Variants in CROCC observed in about 807,000 individuals in gnomAD.
CROCC encodes rootletin.
In CROCC, 180 loss-of-function variants were observed where a neutral mutation model predicts 245.2. That is an observed-to-expected ratio of 0.73 (90% CI 0.65 to 0.83). CROCC has a LOEUF of 0.83. Ranked by LOEUF, CROCC falls within the 40% of genes least tolerant of loss-of-function variation. CROCC has a pLI of 0.00. For synonymous variants in CROCC, 1,205 were observed against 1,241.6 expected, an observed-to-expected ratio of 0.97 and a Z score of 0.62; for missense variants, 2,688 against 2,779.4, an observed-to-expected ratio of 0.97 and a Z score of 0.74.
Position 16,922,743 on chromosome 1 carries a change from G to T in CROCC, c.141G>T (p.Leu47=), listed in dbSNP as rs201122012. ...DLAQDAQITS[L]PALIREIVTR... is the part of the protein sequence containing the mutation. The stretch of plus-strand genomic sequence containing the variant: ...CCCAGGACGCTCAGATCACCAGCCT[G>T]CCTGCCCTTATCAGGGAGATTGTCA... The change falls in exon 2 of 37, where the codon CTG becomes CTT. Residue 47 remains leucine (L), a synonymous_variant. Coordinates refer to ENST00000375541, the MANE Select transcript of CROCC (RefSeq NM_014675.5). 16 of 1,613,810 alleles carry T rather than the reference G, an allele frequency of 9.9e-6. No homozygotes were observed. In the African/African-American group the frequency reaches 1.9e-4, roughly 19 times the overall value.
intron 2 of CROCC, among the ~76,000 whole-genome samples, chr1:16,923,510 C>T (rs924829572): frequency 2.6e-5 from 4 of 152,260 alleles, no homozygotes; most frequent in South Asian, 2.1e-4. Context: ...GACAACCCCG[C>T]TTCTCCCGCT....
intron 8 of CROCC, among the ~76,000 whole-genome samples, chr1:16,933,107 G>C (rs1459916260): frequency 6.6e-6 from 1 of 152,230 alleles, no homozygotes; most frequent in Admixed American, 6.5e-5. Flanking sequence ...AACCACACCT[G>C]GTTTAATAAT....
In CROCC at chr1:16,922,023, G is replaced by A; in HGVS notation, c.5G>A (p.Ser2Asn). Residue 2 changes from serine to asparagine, a missense_variant, in exon 1 of 37, where the codon AGC becomes AAC. Physicochemically the swap from Ser to Asn is conservative, Grantham distance 46 (BLOSUM62 1). Coordinates refer to ENST00000375541, the MANE Select transcript of CROCC (RefSeq NM_014675.5). MSLGLAGAQEVE... is the reference protein window; with the variant it reads MNLGLAGAQEVE... ...CATGCCCACAGCCTCCCCCCCATGA[G>A]CTTGGGGCTGGCGGGGGCACAGGAG... 6.4e-7 allele frequency: 1 copy of A among 1,551,672 alleles called. No homozygotes were observed. The highest frequency in any genetic ancestry group is 8.7e-7 in the Non-Finnish European group (1 of 1,147,096).
intron 13 of CROCC, 91 bp downstream of exon 13, chr1:16,940,184 T>G: frequency 7.4e-7 from 1 of 1,355,786 alleles, no homozygotes; most frequent in Non-Finnish European, 1.0e-6. Context: ...GGCTCTGCAC[T>G]AATATGGTCG....
chr1:16,922,257 G>A (rs768972632), intron 1 of CROCC, among the ~76,000 whole-genome samples, 179 bp downstream of exon 1: 1 of 152,266 alleles, frequency 6.6e-6, no homozygotes, highest in South Asian at 2.1e-4. Context: ...GTACACACAG[G>A]GTGCACCTGC....
At chr1:16,950,616 C>A (rs761119191) in intron 19 of CROCC, among the ~76,000 whole-genome samples, 1 of 152,248 alleles carries the variant, frequency 6.6e-6, no homozygotes, top group Non-Finnish European at 1.5e-5. Context: ...CCCCAGCTTC[C>A]CAAAGTGCTG....
chr1:16,922,609 G>C, intron 1 of CROCC, 54 bp from the exon 2 acceptor site: 1 of 1,543,786 alleles, frequency 6.5e-7, no homozygotes, highest in Non-Finnish European at 8.7e-7. Flanking sequence ...TCCCCACGAG[G>C]CCAGGGAGCC....
chr1:16,914,548 C>A (rs1422720978), intron 1 of CROCC, among the ~76,000 whole-genome samples: 1 of 152,284 alleles, frequency 6.6e-6, no homozygotes, highest in African/African-American at 2.4e-5. Flanking sequence ...CCGGTTTCGT[C>A]TTCATTGCAG....
At chr1:16,955,016 G>A (rs2076226156) in intron 23 of CROCC, 139 bp downstream of exon 23, 2 of 1,189,244 alleles carry the variant, frequency 1.7e-6, no homozygotes. Flanking sequence ...TTAGAAAGGA[G>A]GCAGCAAGCA....
chr1:16,927,554 G>C (rs2075563396), intron 3 of CROCC, among the ~76,000 whole-genome samples: 1 of 152,272 alleles, frequency 6.6e-6, no homozygotes, highest in African/African-American at 2.4e-5. Flanking sequence ...AGCCACAGAT[G>C]CCGCCTTAGC....
chr1:16,970,571 A>G (rs1442565514), intron 34 of CROCC, 65 bp from the exon 35 acceptor site: 19 of 1,481,010 alleles, frequency 1.3e-5, no homozygotes, highest in Non-Finnish European at 1.6e-5. Flanking sequence ...ATCAGGGTTC[A>G]GGAACCTGAG....
At chr1:16,956,433 C>T (rs555823234) in intron 25 of CROCC, among the ~76,000 whole-genome samples, 1 of 152,284 alleles carries the variant, frequency 6.6e-6, no homozygotes, top group Admixed American at 6.5e-5. Context: ...AAGGAATCTG[C>T]AAACAACAAA....
At chr1:16,946,495 G>A in intron 16 of CROCC, 90 bp downstream of exon 16, 1 of 1,506,382 alleles carries the variant, frequency 6.6e-7, no homozygotes, top group African/African-American at 1.4e-5. Flanking sequence ...TACCTGTCTT[G>A]GCCCCTGCCT....
intron 24 of CROCC, 117 bp from the exon 25 acceptor site, chr1:16,955,880 A>G (rs1419992193): frequency 6.2e-6 from 8 of 1,290,424 alleles, no homozygotes; most frequent in African/African-American, 1.5e-5. Flanking sequence ...CTCTTCAGAG[A>G]GGCCACATGG....
Position 16,948,416 on chromosome 1 carries a change from C to T in CROCC, c.2600C>T (p.Ala867Val), listed in dbSNP as rs111628331. 7.5e-5 allele frequency: 118 copies of T among 1,573,006 alleles called. No homozygotes were observed. In the African/African-American group the frequency reaches 1.2e-3, roughly 16 times the overall value. ...AQRQVEALER[A>V]AREKEALAKE... ...CGGCAAGTGGAGGCGCTGGAGCGAG[C>T]GGCCCGTGAGAAGGAGGCGCTAGCC... The change falls in exon 18 of 37, where the codon GCG becomes GTG. Residue 867 changes from alanine to valine, a missense_variant. Around this residue, in one of 9 missense-constraint regions of CROCC, gnomAD observed 295 missense variants for 241.7 expected, o/e 1.22. Transcript: ENST00000375541.
At chr1:16,943,547 A>C (rs375691658) in intron 13 of CROCC, among the ~76,000 whole-genome samples, 11 of 152,390 alleles carry the variant, frequency 7.2e-5, no homozygotes, top group African/African-American at 2.4e-4. Flanking sequence ...CAAAAAAAAA[A>C]AATAAAACAA....
chr1:16,967,016 C>T (rs1035619806), intron 30 of CROCC, among the ~76,000 whole-genome samples: 1 of 151,624 alleles, frequency 6.6e-6, no homozygotes, highest in African/African-American at 2.4e-5. Flanking sequence ...GATCATGCCA[C>T]TGCACTCTAG....
intron 2 of CROCC, among the ~76,000 whole-genome samples, chr1:16,923,726 G>T (rs1203749860): frequency 7.4e-6 from 1 of 135,576 alleles, no homozygotes; most frequent in Non-Finnish European, 1.5e-5. Flanking sequence ...TGTTGCCCAG[G>T]CTGGAGTGCA....
At chr1:16,924,624 A>G in intron 3 of CROCC, 145 bp downstream of exon 3, 1 of 1,069,584 alleles carries the variant, frequency 9.3e-7, no homozygotes, top group Non-Finnish European at 1.3e-6. Context: ...TGCCACCTTG[A>G]GTGGCGTTGA....
Sources: gnomAD v4.1 joint callset for allele counts (sites outside exome capture counted in the v4.1 genomes callset) on GRCh38, gnomAD v4.1.1 for gene constraint, gnomAD v4.1.1 regional missense constraint, MANE v1.5 for transcripts, NCBI Gene and HGNC (gene_info 2026-07-23, HGNC 2026-07-21) for gene names.